Variants in GRXCR1 observed in about 807,000 individuals in gnomAD.
GRXCR1 encodes glutaredoxin and cysteine rich domain containing 1.
Under a neutral mutation model 27.3 loss-of-function variants are expected in GRXCR1, and 27 were observed. The observed-to-expected ratio is 0.99, with a 90% CI of 0.73 to 1.37. The LOEUF is 1.37. Ranked by LOEUF, GRXCR1 falls within the 40% of genes most tolerant of loss-of-function variation. The probability of loss-of-function intolerance (pLI) is 0.00; values close to 1 mark genes in which losing one functional copy is unlikely to be tolerated. For missense variants in GRXCR1, 379 were observed against 354.4 expected (o/e 1.07, Z -0.56); for synonymous variants, 122 against 131.1 (o/e 0.93, Z 0.47).
chr4:42,941,118 C>G (rs1747609121), intron 1 of GRXCR1, among the ~76,000 whole-genome samples: 1 of 151,942 alleles, frequency 6.6e-6, no homozygotes. Context: ...CAATTTCTTC[C>G]TCTGGGAAAG....
chr4:42,894,418 A>T (rs903777893), intron 1 of GRXCR1, among the ~76,000 whole-genome samples: 1 of 152,136 alleles, frequency 6.6e-6, no homozygotes, highest in Non-Finnish European at 1.5e-5. Flanking sequence ...TGTTAAAAAC[A>T]GATATCATTA....
chr4:42,935,954 C>T (rs114093631), intron 1 of GRXCR1, among the ~76,000 whole-genome samples: 2,678 of 151,896 alleles, frequency 0.018, 50 homozygotes, highest in African/African-American at 0.048. Context: ...TGTAATATTT[C>T]ATTAAAGAAC....
At chr4:43,015,594 A>T (rs1366978290) in intron 2 of GRXCR1, among the ~76,000 whole-genome samples, 1 of 152,054 alleles carries the variant, frequency 6.6e-6, no homozygotes, top group South Asian at 2.1e-4. Flanking sequence ...TAAAAAGCTA[A>T]CTCAGAATCA....
intron 2 of GRXCR1, among the ~76,000 whole-genome samples, chr4:43,013,875 C>G (rs1414412471): frequency 6.6e-6 from 1 of 151,780 alleles, no homozygotes; most frequent in African/African-American, 2.4e-5. Flanking sequence ...AATAATACAC[C>G]CTTGCGAACA....
Position 42,994,837 on chromosome 4 carries a change from T to G in GRXCR1, c.628-25517T>G, listed in dbSNP as rs189851654. On this transcript the variant is annotated intron_variant, in intron 2 of 3. Transcript: ENST00000399770. The stretch of plus-strand genomic sequence containing the variant: ...CTGTTAGTTTATCCTTACATGTTAC[T>G]TTAAAGTAAACTTGCAATCTAGATA... 6.3e-4 allele frequency among the ~76,000 whole-genome samples: 96 copies of G among 152,278 alleles called. 1 individual carries two copies. Among genetic ancestry groups the G allele is most frequent in the African/African-American group, 2.3e-3 (94 of 41,572 alleles).
intron 1 of GRXCR1, among the ~76,000 whole-genome samples, chr4:42,960,476 T>C (rs1577921513): frequency 6.6e-6 from 1 of 151,960 alleles, no homozygotes; most frequent in African/African-American, 2.4e-5. Flanking sequence ...AAGATCAGTG[T>C]TTCTAAATCA....
chr4:42,926,631 G>GT lies in GRXCR1; in HGVS notation c.384+32991dup, dbSNP rs538805560. On this transcript the variant is annotated intron_variant, in intron 1 of 3. Coordinates refer to ENST00000399770, the MANE Select transcript of GRXCR1 (RefSeq NM_001080476.3). ...ACTAACGTTACACATATTTCACATT[G>GT]TTTTTTTTTTGTGAAATTGTAAGTT... Among the ~76,000 whole-genome samples the GT allele has an allele frequency of 8.1e-3, 1,145 of 141,478 alleles. 13 individuals are homozygous for GT. Among genetic ancestry groups the GT allele is most frequent in the African/African-American group, 0.021 (849 of 39,508 alleles). 92.8% of individuals were successfully genotyped at this position (141,478 alleles called of 152,430 possible).
At chr4:42,925,714 G>A (rs924869954) in intron 1 of GRXCR1, among the ~76,000 whole-genome samples, 6 of 152,006 alleles carry the variant, frequency 3.9e-5, no homozygotes, top group Non-Finnish European at 7.4e-5. Flanking sequence ...CATCTTTGCA[G>A]GGGACTTAAT....
intron 2 of GRXCR1, among the ~76,000 whole-genome samples, chr4:42,983,006 G>A (rs1711539861): frequency 6.6e-6 from 1 of 151,912 alleles, no homozygotes; most frequent in African/African-American, 2.4e-5. Flanking sequence ...TTTGTAGGTT[G>A]CCTGTTCACT....
intron 2 of GRXCR1, among the ~76,000 whole-genome samples, chr4:43,002,943 A>G (rs1712423929): frequency 6.6e-6 from 1 of 152,236 alleles, no homozygotes; most frequent in African/African-American, 2.4e-5. Context: ...TGATTGGATC[A>G]TGAGGAGAGT....
intron 1 of GRXCR1, among the ~76,000 whole-genome samples, chr4:42,943,488 G>A (rs994898442): frequency 3.9e-5 from 6 of 151,994 alleles, no homozygotes; most frequent in African/African-American, 1.4e-4. Flanking sequence ...CAGTTCTAGA[G>A]CTTCTGAATC....
intron 1 of GRXCR1, among the ~76,000 whole-genome samples, chr4:42,901,660 C>G (rs1219696845): frequency 6.6e-6 from 1 of 152,146 alleles, no homozygotes; most frequent in Non-Finnish European, 1.5e-5. Flanking sequence ...GAGATTAGGA[C>G]ATGGGTAGCT....
intron 2 of GRXCR1, among the ~76,000 whole-genome samples, chr4:42,998,987 G>A (rs953471170): frequency 4.6e-5 from 7 of 152,170 alleles, no homozygotes; most frequent in African/African-American, 1.7e-4. Context: ...AGTATTTTAA[G>A]TCAATAGAAC....
chr4:42,903,645 A>G (rs1162764205), intron 1 of GRXCR1, among the ~76,000 whole-genome samples: 1 of 147,950 alleles, frequency 6.8e-6, no homozygotes, highest in African/African-American at 2.5e-5. Context: ...CCCTTTTCAT[A>G]CATTTATATA....
At chr4:42,987,724 C>G (rs1711826824) in intron 2 of GRXCR1, among the ~76,000 whole-genome samples, 1 of 152,084 alleles carries the variant, frequency 6.6e-6, no homozygotes, top group African/African-American at 2.4e-5. Flanking sequence ...TGGTTCAGTT[C>G]AGTTCTGGGA....
At chr4:42,924,963 C>T (rs1334696048) in intron 1 of GRXCR1, among the ~76,000 whole-genome samples, 1 of 151,652 alleles carries the variant, frequency 6.6e-6, no homozygotes, top group African/African-American at 2.4e-5. Flanking sequence ...AAACAATATG[C>T]ATTTGTTAGC....
chr4:42,973,673 G>A (rs938482096), intron 2 of GRXCR1, among the ~76,000 whole-genome samples: 2 of 152,060 alleles, frequency 1.3e-5, no homozygotes, highest in African/African-American at 4.8e-5. Context: ...TATTTTGCAA[G>A]TTTTAAGAAC....
intron 2 of GRXCR1, among the ~76,000 whole-genome samples, chr4:42,987,237 AT>A (rs1711781450): frequency 1.5e-5 from 1 of 65,534 alleles, no homozygotes; most frequent in Non-Finnish European, 3.2e-5. Context: ...TATTATATAT[AT>A]ATAATATATA....
At chr4:42,949,815 G>A (rs1747838657) in intron 1 of GRXCR1, among the ~76,000 whole-genome samples, 2 of 152,078 alleles carry the variant, frequency 1.3e-5, no homozygotes, top group Admixed American at 6.5e-5. Context: ...ATGGGAATGG[G>A]GGTTTCCCTG....
Sources: gnomAD v4.1 joint callset for allele counts (sites outside exome capture counted in the v4.1 genomes callset) on GRCh38, gnomAD v4.1.1 for gene constraint, MANE v1.5 for transcripts, NCBI Gene and HGNC (gene_info 2026-07-23, HGNC 2026-07-21) for gene names.